The following NUMA1 variants were observed in gnomAD, a reference collection of about 807,000 sequenced individuals.
NUMA1 encodes SP-H antigen.
In NUMA1, 62 loss-of-function variants were observed where a neutral mutation model predicts 237.1. The ratio of observed to expected loss-of-function variants is 0.26; its 90% confidence interval spans 0.21 to 0.32. The LOEUF is 0.32. NUMA1 is among the 10% of genes least tolerant of loss of function. The probability of loss-of-function intolerance (pLI) is 1.00; values close to 1 mark genes in which losing one functional copy is unlikely to be tolerated. For missense variants in NUMA1, 2,533 were observed against 2,666.5 expected (o/e 0.95, Z 1.10); for synonymous variants, 1,028 against 1,066.1 (o/e 0.96, Z 0.70).
chr11:72,059,756 T>C (rs1333453257), intron 2 of NUMA1, among the ~76,000 whole-genome samples: 1 of 152,208 alleles, frequency 6.6e-6, no homozygotes, highest in Non-Finnish European at 1.5e-5. Context: ...CTAGGATATA[T>C]ACCAATAATT....
At chr11:72,022,888 C>CTAAAT (rs1483499087) in intron 6 of NUMA1, among the ~76,000 whole-genome samples, 177 bp downstream of exon 6, 1 of 152,096 alleles carries the variant, frequency 6.6e-6, no homozygotes, top group Non-Finnish European at 1.5e-5. Flanking sequence ...AATCCTTGGG[C>CTAAAT]TAAATTAGCC....
At chr11:72,012,493 G>A (rs774789460) in intron 15 of NUMA1, 51 bp from the exon 16 acceptor site, 3 of 1,555,118 alleles carry the variant, frequency 1.9e-6, no homozygotes, top group Non-Finnish European at 8.9e-7. Flanking sequence ...GGCCAAAGAA[G>A]CACCAGCCCT....
At chr11:72,012,214 T>A (rs1956203788) in intron 16 of NUMA1, 187 bp downstream of exon 16, 1 of 585,090 alleles carries the variant, frequency 1.7e-6, no homozygotes, top group African/African-American at 1.9e-5. Flanking sequence ...ATGGGTGGGA[T>A]GAGGCCTGAG....
rs763772560 is a variant in NUMA1 at position 72,016,543 on chromosome 11, G to A, written c.1120-13C>T. The A allele has an allele frequency of 8.1e-6, 13 of 1,613,156 alleles. No homozygotes were observed. Among genetic ancestry groups the A allele is most frequent in the South Asian group, 1.1e-5 (1 of 90,958 alleles). ...CTTCAAGGCATTTCTGGGAGTAAAT[G>A]AGACCCATGTGAACAGAGAGGGGGA... On this transcript the variant is annotated splice_polypyrimidine_tract_variant and intron_variant, in intron 13 of 26. Transcript: ENST00000393695.
In NUMA1 at chr11:72,061,419, T is replaced by G. The variant is rs568336036; in HGVS notation, c.-33+8423A>C. Among the ~76,000 whole-genome samples, 28 of 152,148 alleles carry G rather than the reference T, an allele frequency of 1.8e-4. No individual in the cohort carries two copies. In the South Asian group the frequency reaches 5.8e-3, roughly 32 times the overall value. On this transcript the variant is annotated intron_variant, in intron 2 of 26. Coordinates refer to ENST00000393695, the MANE Select transcript of NUMA1 (RefSeq NM_006185.4). ...CTCAAATGAAGTCAAAAGACTTATC[T>G]TTACTTATGGGTTGCAACACTAAAA...
intron 17 of NUMA1, among the ~76,000 whole-genome samples, chr11:72,009,728 CCT>C (rs1956016224): frequency 5.3e-5 from 1 of 19,042 alleles, no homozygotes; most frequent in African/African-American, 1.1e-4. Flanking sequence ...AGGTGCAGAG[CCT>C]TACTCTAAGG....
At chr11:72,023,737 G>A (rs1188659023) in intron 5 of NUMA1, among the ~76,000 whole-genome samples, 1 of 152,084 alleles carries the variant, frequency 6.6e-6, no homozygotes, top group Non-Finnish European at 1.5e-5. Flanking sequence ...TAGAAGCTTT[G>A]CATGTGTTCT....
chr11:72,018,226 T>C lies in NUMA1; in HGVS notation c.935A>G (p.Lys312Arg). 1 of 1,614,202 alleles carries C rather than the reference T, an allele frequency of 6.2e-7. No individual in the cohort carries two copies. Among genetic ancestry groups the C allele is most frequent in the Non-Finnish European group, 8.5e-7 (1 of 1,180,012 alleles). Residue 312 changes from lysine (K) to arginine (R), a missense_variant, in exon 12 of 27, where the codon AAA becomes AGA. Around this residue, in one of 3 missense-constraint regions of NUMA1, gnomAD observed 1,414 missense variants for 1,508.1 expected, o/e 0.94. Transcript: ENST00000393695. ...LKTEKSQMDR[K>R]INQLSEENGD... is the part of the protein sequence containing the mutation. Reference sequence around the variant, plus strand: ...ATTCTCCTCCGAAAGCTGGTTGATTTTGCGATCCATCTGGCTCTTCTCTGT... The same window carrying C: ...ATTCTCCTCCGAAAGCTGGTTGATTCTGCGATCCATCTGGCTCTTCTCTGT...
intron 2 of NUMA1, among the ~76,000 whole-genome samples, chr11:72,052,879 G>A (rs1942445288): frequency 6.6e-6 from 1 of 152,218 alleles, no homozygotes; most frequent in Admixed American, 6.5e-5. Context: ...AGAGGGTAAA[G>A]GGGAGCAGCA....
intron 6 of NUMA1, 33 bp from the exon 7 acceptor site, chr11:72,022,452 G>C: frequency 6.9e-7 from 1 of 1,447,348 alleles, no homozygotes. Context: ...TCACTGAGTG[G>C]GGCTGTCTCT....
chr11:72,003,930 G>C lies in NUMA1; in HGVS notation c.6293C>G (p.Ala2098Gly). Residue 2098 changes from alanine (A) to glycine (G), a missense_variant, in exon 26 of 27, where the codon GCC becomes GGC. Physicochemically the swap from Ala to Gly is moderately conservative, Grantham distance 60. This residue lies in a region of NUMA1 where 795 missense variants were observed against 750.8 expected (regional missense o/e 1.06). Transcript: ENST00000393695. Reference protein sequence around the residue: ...PRIATTTASAATAAAIGATPR... With the variant: ...PRIATTTASAGTAAAIGATPR... ...GGTGGCACCAATGGCGGCAGCAGTG[G>C]CGGCGCTGGCTGTGGTGGTGGCAAT... 1 of 1,613,232 alleles carries C rather than the reference G, an allele frequency of 6.2e-7. No individual in the cohort carries two copies. Among genetic ancestry groups the C allele is most frequent in the Non-Finnish European group, 8.5e-7 (1 of 1,179,716 alleles).
chr11:72,004,102 G>A lies in NUMA1; in HGVS notation c.6124-3C>T, dbSNP rs1955489081. On this transcript the variant is annotated splice_polypyrimidine_tract_variant and splice_region_variant and intron_variant, in intron 25 of 26. Coordinates refer to ENST00000393695, the MANE Select transcript of NUMA1 (RefSeq NM_006185.4). ...GCCATCGACTGGCGCCGGTCAGCCT[G>A]CAAGGAAGGGCTGTCAGACCGGGAG... 3 of 1,613,096 alleles carry A rather than the reference G, an allele frequency of 1.9e-6. No individual in the cohort carries two copies. Among genetic ancestry groups the A allele is most frequent in the South Asian group, 2.2e-5 (2 of 91,046 alleles).
intron 21 of NUMA1, among the ~76,000 whole-genome samples, chr11:72,006,815 G>A (rs1955749588): frequency 6.6e-6 from 1 of 152,210 alleles, no homozygotes; most frequent in Non-Finnish European, 1.5e-5. Context: ...TGGAAACAAA[G>A]GCAAGGGCCT....
In NUMA1 at chr11:72,015,303, G is replaced by C; in HGVS notation, c.2200C>G (p.Arg734Gly). ...TCTGCCTTCAGCTCAGAGATACAAC[G>C]CTGCTGCTCTTCCAGGGCATCTGCA... ...RAADALEEQQ[R>G]CISELKAETR... The change falls in exon 15 of 27, where the codon CGT becomes GGT. Residue 734 changes from arginine to glycine, a missense_variant. This residue lies in a region of NUMA1 where 1,414 missense variants were observed against 1,508.1 expected (regional missense o/e 0.94). Transcript: ENST00000393695. The surrounding 1 kb of genome is among the most constrained non-coding windows in gnomAD (Gnocchi z 4.0). 6.2e-7 allele frequency: 1 copy of C among 1,613,496 alleles called. No homozygotes were observed. The highest frequency in any genetic ancestry group is 8.5e-7 in the Non-Finnish European group (1 of 1,180,032).
At chr11:72,050,753 T>C (rs1192007273) in intron 2 of NUMA1, 1 of 152,178 alleles carries the variant, frequency 6.6e-6, no homozygotes, top group Non-Finnish European at 1.5e-5. Flanking sequence ...CTCAGCTACA[T>C]CCTCTATCTT....
chr11:72,077,745 C>A (rs1304789602), intron 1 of NUMA1, among the ~76,000 whole-genome samples: 1 of 142,734 alleles, frequency 7.0e-6, no homozygotes, highest in East Asian at 2.1e-4. Flanking sequence ...ACCTGGGAGG[C>A]GGAGCTTGCA....
intron 2 of NUMA1, chr11:72,068,368 C>T (rs185161083): frequency 6.6e-6 from 1 of 152,480 alleles, no homozygotes; most frequent in East Asian, 1.9e-4. Context: ...GCCTGTAATC[C>T]TAGCACTTTG....
chr11:72,067,430 A>T (rs1455172064), intron 2 of NUMA1: 2 of 152,218 alleles, frequency 1.3e-5, no homozygotes. Flanking sequence ...GTCCATTTTG[A>T]TGAAATTCAC....
intron 5 of NUMA1, 105 bp from the exon 6 acceptor site, chr11:72,023,252 C>A (rs752022704): frequency 1.5e-5 from 12 of 824,444 alleles, no homozygotes; most frequent in South Asian, 7.2e-5. Context: ...TCTGGTGGGG[C>A]TATGAGATGT....
Sources: gnomAD v4.1 joint callset for allele counts (sites outside exome capture counted in the v4.1 genomes callset) on GRCh38, gnomAD v4.1.1 for gene constraint, gnomAD v4.1.1 regional missense constraint, Gnocchi (gnomAD v3.1) non-coding constraint, MANE v1.5 for transcripts, NCBI Gene and HGNC (gene_info 2026-07-23, HGNC 2026-07-21) for gene names.